APC2: variants seen among roughly 807,000 people sequenced by gnomAD.
APC2 encodes APC regulator of Wnt signaling pathway 2.
A neutral mutation model predicts 72.5 loss-of-function variants in APC2; 41 were observed. The observed-to-expected ratio is 0.57, with a 90% confidence interval of 0.44 to 0.73. The LOEUF is 0.73. APC2 is among the 30% of genes least tolerant of loss of function. The pLI is 0.00. For missense variants in APC2, 3,729 were observed against 3,403.4 expected (o/e 1.10, Z -2.38); for synonymous variants, 1,898 against 1,612.0 (o/e 1.18, Z -4.25).
At chr19:1,464,321 A>G (rs1158140355) in intron 14 of APC2, among the ~76,000 whole-genome samples, 1 of 152,022 alleles carries the variant, frequency 6.6e-6, no homozygotes, top group Admixed American at 6.6e-5. Flanking sequence ...GAAAAAAAAA[A>G]ATTATTAAAA....
Position 1,467,915 on chromosome 19 carries a change from G to A in APC2, c.4614G>A (p.Thr1538=), listed in dbSNP as rs778724884. 6.3e-7 allele frequency: 1 copy of A among 1,584,244 alleles called. No homozygotes were observed. The highest frequency in any genetic ancestry group is 1.1e-5 in the South Asian group (1 of 89,278). Residue 1538 remains threonine, a synonymous_variant, in exon 15 of 15, where the codon ACG becomes ACA. Coordinates refer to ENST00000590469, the MANE Select transcript of APC2 (RefSeq NM_005883.3). ...RRTSAIPRAF[T]RERPQGRKEA... is the part of the protein sequence containing the mutation. ...CATCGGCCATCCCTCGCGCTTTTAC[G>A]CGGGAGCGTCCGCAGGGCCGGAAGG...
upstream of APC2, chr19:1,446,409 C>A: frequency 2.0e-6 from 2 of 976,386 alleles, no homozygotes; most frequent in Non-Finnish European, 2.4e-6. The surrounding 1 kb of genome is among the most constrained non-coding windows in gnomAD (Gnocchi z 6.1). Flanking sequence ...GGGTCCACAC[C>A]GCGGGAACAG....
In APC2 at chr19:1,453,728, C is replaced by T. The variant is rs1271046478; in HGVS notation, c.413+117C>T. 4.5e-6 allele frequency: 6 copies of T among 1,341,786 alleles called. No homozygotes were observed. The East Asian group carries it at 1.0e-4, about 23-fold the overall frequency. The allele number at this position is 1,341,786 out of a possible 1,614,324, so 83.1% of individuals were successfully genotyped here. A position where few individuals can be genotyped will look rare whatever the true frequency, so the allele number is the denominator to read the frequency against. On this transcript the variant is annotated intron_variant, in intron 4 of 14. Coordinates refer to ENST00000590469, the MANE Select transcript of APC2 (RefSeq NM_005883.3). The stretch of plus-strand genomic sequence containing the variant: ...CTCTGCCCACACCTCACACGCCCCA[C>T]CCACTTGCATATGGCACTGCCCACC...
At chr19:1,463,515 G>A (rs1410462548) in intron 14 of APC2, among the ~76,000 whole-genome samples, 5 of 151,612 alleles carry the variant, frequency 3.3e-5, no homozygotes, top group Admixed American at 2.0e-4. Flanking sequence ...TCTGGGAGGC[G>A]GAGGTTGCAG....
chr19:1,463,113 T>C (rs1224028737), intron 14 of APC2, among the ~76,000 whole-genome samples: 2 of 150,686 alleles, frequency 1.3e-5, no homozygotes, highest in Non-Finnish European at 3.0e-5. Context: ...CTGTCTCTAC[T>C]AAAAAATATA....
Position 1,468,037 on chromosome 19 carries a change from T to A in APC2, c.4736T>A (p.Leu1579Gln). ...GACGAGACCCCGCCCTGCTACTCCC[T>A]GAGCTCCTCCGCCAGCTCCCTCAGC... ...IADETPPCYS[L>Q]SSSASSLSEP... Residue 1579 changes from leucine (L) to glutamine (Q), a missense_variant, in exon 15 of 15, where the codon CTG becomes CAG. Leu to Gln is a moderately radical substitution (Grantham distance 113). Transcript: ENST00000590469. 6.3e-7 allele frequency: 1 copy of A among 1,581,520 alleles called. No homozygotes were observed. The highest frequency in any genetic ancestry group is 1.1e-5 in the South Asian group (1 of 89,220).
Position 1,460,218 on chromosome 19 carries a change from CTA to C in APC2, c.1343_1344del (p.Tyr448Ter). 6.2e-7 allele frequency: 1 copy of C among 1,613,548 alleles called. No individual in the cohort carries two copies. Among genetic ancestry groups the C allele is most frequent in the Non-Finnish European group, 8.5e-7 (1 of 1,180,014 alleles). ...QAVAELLQVD[Y>X]EMHKMTRDPL... is the part of the protein sequence containing the mutation. ...CCGTGGCAGAGCTGCTGCAGGTTGA[CTA>C]TGAGATGCACAAGATGACCCGGGAC... On this transcript the variant is annotated frameshift_variant, in exon 11 of 15. Transcript: ENST00000590469. LOFTEE classifies it high-confidence loss of function.
chr19:1,461,030 C>G lies in APC2; in HGVS notation c.1522-7C>G. 3 of 1,613,804 alleles carry G rather than the reference C, an allele frequency of 1.9e-6. No individual in the cohort carries two copies. Among genetic ancestry groups the G allele is most frequent in the Non-Finnish European group, 1.7e-6 (2 of 1,179,904 alleles). On this transcript the variant is annotated splice_region_variant and splice_polypyrimidine_tract_variant and intron_variant, in intron 12 of 14. Transcript: ENST00000590469. ...GTCCCACCACACTTGCCCCTCACCC[C>G]ACCCAGGTGGTGTCCAGCATCCTTC...
At chr19:1,447,980 T>C (rs1357385756), upstream of APC2, among the ~76,000 whole-genome samples, 1 of 152,084 alleles carries the variant, frequency 6.6e-6, no homozygotes, top group East Asian at 1.9e-4. Flanking sequence ...TAGTTCCTCT[T>C]TGGGGGAGGC....
In APC2 at chr19:1,467,588, C is replaced by T; in HGVS notation, c.4287C>T (p.Thr1429=). ...PGGPAGRQRP[T]GRPTSARQAM... ...GACCAGCGGGCAGGCAAAGACCCAC[C>T]GGCCGCCCCACCTCTGCCAGACAGG... The change falls in exon 15 of 15, where the codon ACC becomes ACT. Residue 1429 remains threonine (T), a synonymous_variant. Coordinates refer to ENST00000590469, the MANE Select transcript of APC2 (RefSeq NM_005883.3). 2.6e-6 allele frequency: 4 copies of T among 1,512,332 alleles called. No individual in the cohort carries two copies. The highest frequency in any genetic ancestry group is 1.2e-5 in the South Asian group (1 of 80,958). The allele number at this position is 1,512,332 out of a possible 1,614,324, so 93.7% of individuals were successfully genotyped here.
chr19:1,450,024 C>T, upstream of APC2: 1 of 727,900 alleles, frequency 1.4e-6, no homozygotes, highest in Non-Finnish European at 1.7e-6. Context: ...GTCCCCGCCC[C>T]GGGCCGCCAT....
chr19:1,457,559 G>C, intron 9 of APC2: 1 of 510,514 alleles, frequency 2.0e-6, no homozygotes, highest in Non-Finnish European at 3.5e-6. Flanking sequence ...GGGGCCGGGC[G>C]CTGTGACTCA....
chr19:1,469,893 G>A lies in APC2; in HGVS notation c.6592G>A (p.Ala2198Thr), dbSNP rs2084103744. The change falls in exon 15 of 15, where the codon GCC becomes ACC. Residue 2198 changes from alanine to threonine, a missense_variant. Physicochemically the swap from Ala to Thr is moderately conservative, Grantham distance 58. Transcript: ENST00000590469. ...CGTGGTCCAGACCGAGGAGGTCGCCGCCCCCAAGACCAACTCCAGCACGTC... is the reference window on the plus strand; with the variant it reads ...CGTGGTCCAGACCGAGGAGGTCGCCACCCCCAAGACCAACTCCAGCACGTC... ...DAVVQTEEVA[A>T]PKTNSSTSPS... 3 of 1,522,844 alleles carry A rather than the reference G, an allele frequency of 2.0e-6. No individual in the cohort carries two copies. Among genetic ancestry groups the A allele is most frequent in the Non-Finnish European group, 1.8e-6 (2 of 1,141,984 alleles). 94.3% of individuals were successfully genotyped at this position (1,522,844 alleles called of 1,614,324 possible).
rs1185956686 is a variant in APC2, at chr19:1,467,089, T to C, written c.3788T>C (p.Phe1263Ser). 1 of 1,609,528 alleles carries C rather than the reference T, an allele frequency of 6.2e-7. No individual in the cohort carries two copies. Among genetic ancestry groups the C allele is most frequent in the Non-Finnish European group, 8.5e-7 (1 of 1,178,500 alleles). The change falls in exon 15 of 15, where the codon TTT becomes TCT. Residue 1263 changes from phenylalanine (F) to serine (S), a missense_variant. Physicochemically the swap from Phe to Ser is radical, Grantham distance 155 (BLOSUM62 -2). Transcript: ENST00000590469. ...PSELDAGSVR[F>S]TVEKPDENFS... ...GAGCTGGACGCAGGCAGCGTGCGCTTTACCGTGGAGAAGCCAGACGAGAAC... is the reference window on the plus strand; with the variant it reads ...GAGCTGGACGCAGGCAGCGTGCGCTCTACCGTGGAGAAGCCAGACGAGAAC...
chr19:1,460,628 C>A, intron 11 of APC2, 152 bp from the exon 12 acceptor site: 1 of 920,986 alleles, frequency 1.1e-6, no homozygotes, highest in Non-Finnish European at 1.6e-6. Flanking sequence ...CTCAGTTTCC[C>A]GACCTGAGCA....
Position 1,465,697 on chromosome 19 carries a change from C to G in APC2, c.2396C>G (p.Pro799Arg), listed in dbSNP as rs1349552583. Residue 799 changes from proline (P) to arginine (R), a missense_variant, in exon 15 of 15, where the codon CCT becomes CGT. Transcript: ENST00000590469. ...AAAATGEPAS[P>R]AALSLFLGSP... is the part of the protein sequence containing the mutation. ...GCGGCCACCGGGGAGCCAGCCAGCC[C>G]TGCCGCGCTGTCCCTCTTCCTGGGC... 6.3e-7 allele frequency: 1 copy of G among 1,586,510 alleles called. No homozygotes were observed. The highest frequency in any genetic ancestry group is 2.3e-5 in the East Asian group (1 of 43,164).
At position 1,455,464 on chromosome 19, in the gene APC2, C is replaced by G; in HGVS notation, c.603C>G (p.Arg201=). The G allele has an allele frequency of 6.2e-7, 1 of 1,605,088 alleles. No homozygotes were observed. Among genetic ancestry groups the G allele is most frequent in the Non-Finnish European group, 8.5e-7 (1 of 1,176,312 alleles). The change falls in exon 6 of 15, where the codon CGC becomes CGG. Residue 201 remains arginine, a synonymous_variant. Transcript: ENST00000590469. ...AQHIRSLMEE[R]FGTSDEMVQR... ...ACATCCGCTCGCTGATGGAGGAGCG[C>G]TTCGGCACCTCGGACGAGATGGTGC... is the stretch of plus-strand genomic sequence containing the variant.
In APC2 at chr19:1,460,861, C is replaced by G. The variant is rs184260019; in HGVS notation, c.1521+4C>G. On this transcript the variant is annotated splice_donor_region_variant and intron_variant, in intron 12 of 14. Transcript: ENST00000590469. ...CGACAGTGAGGAGCTCCACCAGGTA[C>G]AGGGCGGGGTGCTGGGAAAGCCTTC... is the stretch of plus-strand genomic sequence containing the variant. 6.8e-6 allele frequency: 11 copies of G among 1,613,224 alleles called. No individual in the cohort carries two copies. The Admixed American group carries it at 1.5e-4, about 22-fold the overall frequency.
At chr19:1,459,930 C>T (rs540879716) in intron 10 of APC2, among the ~76,000 whole-genome samples, 33 of 152,294 alleles carry the variant, frequency 2.2e-4, no homozygotes, top group South Asian at 6.2e-4. Flanking sequence ...CTGGAGGAAG[C>T]GTGAGCCAGG....
Sources: gnomAD v4.1 joint callset for allele counts (sites outside exome capture counted in the v4.1 genomes callset) on GRCh38, gnomAD v4.1.1 for gene constraint, Gnocchi (gnomAD v3.1) non-coding constraint, MANE v1.5 for transcripts, NCBI Gene and HGNC (gene_info 2026-07-23, HGNC 2026-07-21) for gene names.